Variants in CLASP2 observed in about 807,000 individuals in gnomAD.
The protein encoded by CLASP2 is CLIP-associating protein 2.
In CLASP2, 47 loss-of-function variants were observed where a neutral mutation model predicts 194.4. The ratio of observed to expected loss-of-function variants is 0.24; its 90% confidence interval spans 0.19 to 0.31. The LOEUF (loss-of-function observed/expected upper bound fraction) is 0.31. CLASP2 is among the 10% of genes least tolerant of loss of function. The probability of loss-of-function intolerance (pLI) is 1.00; values close to 1 mark genes in which losing one functional copy is unlikely to be tolerated. For synonymous variants in CLASP2, 619 were observed against 633.5 expected, an observed-to-expected ratio of 0.98 and a Z score of 0.34; for missense variants, 1,445 against 1,823.6, an observed-to-expected ratio of 0.79 and a Z score of 3.78.
intron 21 of CLASP2, among the ~76,000 whole-genome samples, chr3:33,590,059 A>G (rs1184022303): frequency 6.6e-6 from 1 of 152,196 alleles, no homozygotes; most frequent in African/African-American, 2.4e-5. Flanking sequence ...ATTAAAAATA[A>G]TAAGGATCAT....
chr3:33,522,667 T>C (rs1255921728), intron 34 of CLASP2, among the ~76,000 whole-genome samples: 2 of 152,130 alleles, frequency 1.3e-5, no homozygotes, highest in Non-Finnish European at 2.9e-5. Context: ...TGTGTATAAA[T>C]TCATGAAAAT....
intron 1 of CLASP2, among the ~76,000 whole-genome samples, chr3:33,699,362 T>A (rs917378724): frequency 6.6e-6 from 1 of 151,880 alleles, no homozygotes; most frequent in African/African-American, 2.4e-5. Flanking sequence ...AAACCATACA[T>A]CTAAGTCTCA....
intron 7 of CLASP2, among the ~76,000 whole-genome samples, chr3:33,651,963 C>T (rs1453131966): frequency 6.6e-6 from 1 of 152,028 alleles, no homozygotes; most frequent in Non-Finnish European, 1.5e-5. Context: ...CTGGCCTCCA[C>T]TTCACTTTTA....
At chr3:33,610,787 T>C (rs1353424426) in intron 13 of CLASP2, among the ~76,000 whole-genome samples, 2 of 152,226 alleles carry the variant, frequency 1.3e-5, no homozygotes, top group African/African-American at 2.4e-5. Flanking sequence ...CAAGCTGTTG[T>C]TTGCTGACCC....
intron 33 of CLASP2, among the ~76,000 whole-genome samples, chr3:33,538,084 T>C (rs187443648): frequency 1.3e-5 from 2 of 151,142 alleles, no homozygotes; most frequent in African/African-American, 4.9e-5. Context: ...GAGCTTGCAG[T>C]GAGCCGAGAT....
intron 2 of CLASP2, among the ~76,000 whole-genome samples, chr3:33,692,755 G>A (rs2091485626): frequency 1.3e-5 from 2 of 152,074 alleles, no homozygotes; most frequent in Admixed American, 1.3e-4. Context: ...AATATTTATT[G>A]GGTATCCAGA....
intron 6 of CLASP2, chr3:33,683,684 C>T (rs1363643628): frequency 2.0e-5 from 3 of 152,150 alleles, no homozygotes; most frequent in African/African-American, 7.2e-5. Context: ...TGGCTCTCAC[C>T]TAATCCCAGC....
intron 2 of CLASP2, among the ~76,000 whole-genome samples, chr3:33,691,455 G>A (rs564523034): frequency 6.6e-6 from 1 of 152,298 alleles, no homozygotes; most frequent in East Asian, 1.9e-4. Flanking sequence ...AATGACTAGA[G>A]TGAGAAGGCA....
intron 18 of CLASP2, among the ~76,000 whole-genome samples, chr3:33,602,229 G>A (rs879590058): frequency 7.2e-5 from 11 of 152,048 alleles, no homozygotes; most frequent in Non-Finnish European, 1.5e-4. Flanking sequence ...GGCCAGGCTG[G>A]TCACGAACTC....
chr3:33,655,848 A>C (rs972501438), intron 7 of CLASP2, among the ~76,000 whole-genome samples: 4 of 152,130 alleles, frequency 2.6e-5, no homozygotes, highest in African/African-American at 9.7e-5. Context: ...TATATTTTTA[A>C]AGACTCATTT....
intron 19 of CLASP2, among the ~76,000 whole-genome samples, chr3:33,596,422 C>T (rs747249733): frequency 3.9e-5 from 6 of 151,974 alleles, no homozygotes; most frequent in East Asian, 3.9e-4. Flanking sequence ...TAAGACTTAA[C>T]GAATCGAGAA....
At chr3:33,668,110 T>G (rs2086526097) in intron 6 of CLASP2, among the ~76,000 whole-genome samples, 1 of 152,142 alleles carries the variant, frequency 6.6e-6, no homozygotes, top group Middle Eastern at 3.2e-3. Context: ...TCCCAGCTAC[T>G]TGGGAGGCTG....
chr3:33,553,256 AAAG>A (rs1321014495), intron 29 of CLASP2, among the ~76,000 whole-genome samples: 4 of 152,338 alleles, frequency 2.6e-5, no homozygotes, highest in South Asian at 4.1e-4. Context: ...CAGTTAAAAA[AAAG>A]AAGAGATAAA....
intron 1 of CLASP2, among the ~76,000 whole-genome samples, chr3:33,698,592 G>T (rs1402524702): frequency 6.6e-6 from 1 of 152,178 alleles, no homozygotes; most frequent in African/African-American, 2.4e-5. Flanking sequence ...GAGTTGAGTA[G>T]AAACTTGAGG....
In CLASP2 at chr3:33,544,690, A is replaced by G. The variant is rs763583265; in HGVS notation, c.3297+8T>C. The G allele has an allele frequency of 6.2e-7, 1 of 1,605,006 alleles. No homozygotes were observed. The highest frequency in any genetic ancestry group is 8.5e-7 in the Non-Finnish European group (1 of 1,176,908). On this transcript the variant is annotated splice_region_variant and intron_variant, in intron 31 of 38. Coordinates refer to ENST00000682230, the MANE Select transcript of CLASP2 (RefSeq NM_001365631.1). Reference sequence around the variant, plus strand: ...TATATGATAGCCAAGAAAATAAGTAACAATTACCTGGGTTCCATTGCCAGT... The same window carrying G: ...TATATGATAGCCAAGAAAATAAGTAGCAATTACCTGGGTTCCATTGCCAGT...
At chr3:33,568,144 T>G (rs2063077786) in intron 26 of CLASP2, among the ~76,000 whole-genome samples, 1 of 152,202 alleles carries the variant, frequency 6.6e-6, no homozygotes, top group Non-Finnish European at 1.5e-5. Flanking sequence ...GACAAAGAGT[T>G]GATCATATAT....
intron 36 of CLASP2, 109 bp from the exon 37 acceptor site, chr3:33,510,873 GA>G: frequency 2.0e-6 from 2 of 999,184 alleles, no homozygotes; most frequent in Non-Finnish European, 1.5e-6. Flanking sequence ...AATTTGCTTT[GA>G]AAATGCTACA....
chr3:33,608,585 T>A lies in CLASP2; in HGVS notation c.1430A>T (p.Gln477Leu). 1 of 1,611,616 alleles carries A rather than the reference T, an allele frequency of 6.2e-7. No individual in the cohort carries two copies. Among genetic ancestry groups the A allele is most frequent in the Non-Finnish European group, 8.5e-7 (1 of 1,178,914 alleles). ...TGCATACCTTTCCAATGAATGAGTC[T>A]GCCACTCTTGCAACAATAAATCTAA... Reference protein sequence around the residue: ...EFLDLLLQEWQTHSLERHAAV... With the variant: ...EFLDLLLQEWLTHSLERHAAV... The change falls in exon 14 of 39, where the codon CAG becomes CTG. Residue 477 changes from glutamine (Q) to leucine (L), a missense_variant. Around this residue, in one of 4 missense-constraint regions of CLASP2, gnomAD observed 207 missense variants for 331.4 expected, o/e 0.62. Transcript: ENST00000682230.
At chr3:33,499,353 T>C (rs1432375178) in intron 38 of CLASP2, among the ~76,000 whole-genome samples, 1 of 41,622 alleles carries the variant, frequency 2.4e-5, no homozygotes, top group South Asian at 5.3e-4. Context: ...AGGGCAGTTC[T>C]TTTTTTTTTT....
Sources: gnomAD v4.1 joint callset for allele counts (sites outside exome capture counted in the v4.1 genomes callset) on GRCh38, gnomAD v4.1.1 for gene constraint, gnomAD v4.1.1 regional missense constraint, MANE v1.5 for transcripts, NCBI Gene and HGNC (gene_info 2026-07-23, HGNC 2026-07-21) for gene names.